The following VANGL1 variants were observed in gnomAD, a reference collection of about 807,000 sequenced individuals.
VANGL1 encodes the protein vang-like protein 1.
VANGL1 carries 18 observed loss-of-function variants against 48.4 expected under a neutral mutation model. The ratio of observed to expected loss-of-function variants is 0.37; its 90% CI spans 0.26 to 0.55. The LOEUF (loss-of-function observed/expected upper bound fraction) is 0.55, where lower values mean the gene tolerates loss of function less well. Ranked by LOEUF, VANGL1 falls within the 20% of genes least tolerant of loss-of-function variation. The pLI is 0.81. For synonymous variants in VANGL1, 257 were observed against 261.8 expected, an observed-to-expected ratio of 0.98 and a Z score of 0.18; for missense variants, 667 against 675.8, an observed-to-expected ratio of 0.99 and a Z score of 0.14.
intron 2 of VANGL1, among the ~76,000 whole-genome samples, chr1:115,654,478 G>T: frequency 8.1e-6 from 1 of 122,998 alleles, no homozygotes. Context: ...GCCTGGTATT[G>T]ACAAGGGAAT....
chr1:115,648,224 G>A (rs976926018), intron 1 of VANGL1, among the ~76,000 whole-genome samples: 1 of 152,198 alleles, frequency 6.6e-6, no homozygotes, highest in Non-Finnish European at 1.5e-5. Context: ...TATGGAGGTG[G>A]ATGGACTAAT....
At chr1:115,657,278 T>A (rs1419534071) in intron 2 of VANGL1, among the ~76,000 whole-genome samples, 2 of 152,220 alleles carry the variant, frequency 1.3e-5, no homozygotes, top group Non-Finnish European at 2.9e-5. Context: ...GGTGTGAGAA[T>A]GAGCTTTAAG....
At chr1:115,681,787 G>A (rs945592124) in intron 4 of VANGL1, among the ~76,000 whole-genome samples, 6 of 152,138 alleles carry the variant, frequency 3.9e-5, no homozygotes, top group African/African-American at 1.2e-4. Flanking sequence ...GATTACAGGC[G>A]TGAGCCACCG....
At position 115,697,070 on chromosome 1, in the gene VANGL1, A is replaced by T. The variant is rs952476314; in HGVS notation, c.*5691A>T. The T allele has an allele frequency of 1.3e-5, 2 of 152,176 alleles. No homozygotes were observed. Among genetic ancestry groups the T allele is most frequent in the African/African-American group, 4.8e-5 (2 of 41,446 alleles). 9.4% of individuals were successfully genotyped at this position (152,176 alleles called of 1,614,324 possible). On this transcript the variant is annotated 3_prime_UTR_variant, in exon 8 of 8. Transcript: ENST00000355485. ...GCCTTTTGTTGTGAAGTTGCTCATC[A>T]TTTAGGAGTGTTTAATTCTAAAAAG...
In VANGL1 at chr1:115,682,460, C is replaced by G. The variant is rs1557774599; in HGVS notation, c.909C>G (p.Ala303=). 1.2e-6 allele frequency: 2 copies of G among 1,614,154 alleles called. No individual in the cohort carries two copies. The highest frequency in any genetic ancestry group is 8.5e-7 in the Non-Finnish European group (1 of 1,180,044). ...NLLTASKFRA[A]KHMAGLKVYN... is the part of the protein sequence containing the mutation. ...TAACAGCCTCCAAATTCCGAGCAGC[C>G]AAGCATATGGCCGGGCTGAAAGTCT... The change falls in exon 5 of 8, where the codon GCC becomes GCG. Residue 303 remains alanine, a synonymous_variant. Coordinates refer to ENST00000355485, the MANE Select transcript of VANGL1 (RefSeq NM_138959.3).
At chr1:115,676,259 C>T (rs539838814) in intron 4 of VANGL1, among the ~76,000 whole-genome samples, 6 of 152,192 alleles carry the variant, frequency 3.9e-5, no homozygotes, top group Non-Finnish European at 5.9e-5. Flanking sequence ...CAATGGATGC[C>T]TCCCTATAGG....
intron 1 of VANGL1, among the ~76,000 whole-genome samples, chr1:115,650,960 C>G (rs140094838): frequency 6.6e-6 from 1 of 151,586 alleles, no homozygotes; most frequent in Non-Finnish European, 1.5e-5. Flanking sequence ...TGTGGAGGGT[C>G]GCAGATGTGG....
Position 115,651,497 on chromosome 1 carries a change from T to C in VANGL1, c.71+13T>C. On this transcript the variant is annotated intron_variant, in intron 2 of 7. Transcript: ENST00000355485. The stretch of plus-strand genomic sequence containing the variant: ...CTCACAGACAAGGGTATGTAAGTTG[T>C]TCATTATTACACTTTTCCTTTTGGG... The C allele has an allele frequency of 6.2e-7, 1 of 1,612,114 alleles. No individual in the cohort carries two copies. Among genetic ancestry groups the C allele is most frequent in the Non-Finnish European group, 8.5e-7 (1 of 1,178,300 alleles).
At chr1:115,676,000 C>T (rs1017245315) in intron 4 of VANGL1, among the ~76,000 whole-genome samples, 1 of 152,102 alleles carries the variant, frequency 6.6e-6, no homozygotes, top group African/African-American at 2.4e-5. Context: ...CAACCAACCC[C>T]ATCACCGCTG....
chr1:115,643,920 A>C (rs1651822714), intron 1 of VANGL1, among the ~76,000 whole-genome samples: 3 of 152,088 alleles, frequency 2.0e-5, no homozygotes, highest in South Asian at 4.2e-4. Flanking sequence ...CCCTTGTCAC[A>C]TTGTGTTTTA....
chr1:115,643,925 G>A (rs1160365795), intron 1 of VANGL1, among the ~76,000 whole-genome samples: 1 of 152,156 alleles, frequency 6.6e-6, no homozygotes, highest in African/African-American at 2.4e-5. Context: ...GTCACATTGT[G>A]TTTTAATTGG....
chr1:115,655,838 G>C (rs1482373183), intron 2 of VANGL1, among the ~76,000 whole-genome samples: 1 of 152,114 alleles, frequency 6.6e-6, no homozygotes, highest in African/African-American at 2.4e-5. Context: ...ATGAGCATTT[G>C]AGTACATATT....
At chr1:115,647,236 C>G (rs1406099563) in intron 1 of VANGL1, among the ~76,000 whole-genome samples, 1 of 152,176 alleles carries the variant, frequency 6.6e-6, no homozygotes, top group Non-Finnish European at 1.5e-5. Flanking sequence ...GTTCTAGGAG[C>G]CATATTCCCA....
chr1:115,696,713 T>C lies in VANGL1; in HGVS notation c.*5334T>C, dbSNP rs1472219121. The C allele has an allele frequency of 2.0e-5, 3 of 152,230 alleles. No homozygotes were observed. The highest frequency in any genetic ancestry group is 7.2e-5 in the African/African-American group (3 of 41,464). 9.4% of individuals were successfully genotyped at this position (152,230 alleles called of 1,614,324 possible). A position where few individuals can be genotyped will look rare whatever the true frequency, so the allele number is the denominator to read the frequency against. The stretch of plus-strand genomic sequence containing the variant: ...TTGTTTTGTCTATGAAATAAGCCTC[T>C]TTAGTGGGTTGTTTTAGTCTCTCCA... On this transcript the variant is annotated 3_prime_UTR_variant, in exon 8 of 8. Transcript: ENST00000355485.
intron 1 of VANGL1, among the ~76,000 whole-genome samples, chr1:115,649,538 G>T (rs1039611276): frequency 4.6e-5 from 7 of 152,208 alleles, no homozygotes; most frequent in Non-Finnish European, 8.8e-5. Context: ...AAGCATTTCG[G>T]AACCCGCAAA....
chr1:115,663,805 T>A lies in VANGL1; in HGVS notation c.349T>A (p.Ser117Thr). 1 of 1,614,242 alleles carries A rather than the reference T, an allele frequency of 6.2e-7. No homozygotes were observed. Among genetic ancestry groups the A allele is most frequent in the Non-Finnish European group, 8.5e-7 (1 of 1,180,038 alleles). ...ACGCTACCTGGGCCTCACCGTCGCC[T>A]CTTTTCTTGGACTTCTAGTTTTCCT... ...CKRYLGLTVA[S>T]FLGLLVFLTP... The change falls in exon 4 of 8, where the codon TCT (serine) becomes ACT (threonine). Residue 117 changes from serine (S) to threonine (T), a missense_variant. Physicochemically the swap from Ser to Thr is moderately conservative, Grantham distance 58. Coordinates refer to ENST00000355485, the MANE Select transcript of VANGL1 (RefSeq NM_138959.3).
At chr1:115,655,090 G>T (rs1652293046) in intron 2 of VANGL1, among the ~76,000 whole-genome samples, 1 of 152,198 alleles carries the variant, frequency 6.6e-6, no homozygotes, top group Admixed American at 6.5e-5. Context: ...TTTCAAGGCT[G>T]CTTCAGAGTC....
intron 4 of VANGL1, among the ~76,000 whole-genome samples, chr1:115,675,441 G>A (rs1292906448): frequency 1.3e-5 from 2 of 152,122 alleles, no homozygotes; most frequent in Admixed American, 6.5e-5. Flanking sequence ...AGCAGAGGTT[G>A]CAGTTAGCTG....
intron 7 of VANGL1, among the ~76,000 whole-genome samples, chr1:115,687,940 A>G (rs1300846691): frequency 2.9e-5 from 2 of 70,088 alleles, no homozygotes; most frequent in Non-Finnish European, 5.6e-5. Context: ...TTCATTAGGT[A>G]GATAGATAGA....
Sources: gnomAD v4.1 joint callset for allele counts (sites outside exome capture counted in the v4.1 genomes callset) on GRCh38, gnomAD v4.1.1 for gene constraint, MANE v1.5 for transcripts, NCBI Gene and HGNC (gene_info 2026-07-23, HGNC 2026-07-21) for gene names.